WDR7: variants seen among roughly 807,000 people sequenced by gnomAD.
The protein encoded by WDR7 is WD repeat domain 7, also known as WD repeat-containing protein 7.
A neutral mutation model predicts 169.4 loss-of-function variants in WDR7; 46 were observed. The ratio of observed to expected loss-of-function variants is 0.27; its 90% confidence interval spans 0.21 to 0.35. WDR7 has a LOEUF of 0.35. Ranked by LOEUF, WDR7 falls within the 10% of genes least tolerant of loss-of-function variation. WDR7 has a pLI of 1.00. For synonymous variants in WDR7, 612 were observed against 666.8 expected (o/e 0.92, Z 1.27); for missense variants, 1,534 against 1,859.3 (o/e 0.83, Z 3.22).
intron 2 of WDR7, among the ~76,000 whole-genome samples, chr18:56,676,194 CT>C (rs530685512): frequency 6.6e-6 from 1 of 151,958 alleles, no homozygotes; most frequent in Non-Finnish European, 1.5e-5. Context: ...CCTATTTCTG[CT>C]TTTTTTGGTT....
intron 13 of WDR7, among the ~76,000 whole-genome samples, chr18:56,723,607 T>A (rs2026372107): frequency 6.6e-6 from 1 of 152,128 alleles, no homozygotes; most frequent in Admixed American, 6.5e-5. Flanking sequence ...ACATTTCTTT[T>A]CTCTGGCTCC....
chr18:56,707,513 C>T (rs961384471), intron 12 of WDR7, among the ~76,000 whole-genome samples: 1 of 148,106 alleles, frequency 6.8e-6, no homozygotes, highest in Non-Finnish European at 1.5e-5. Flanking sequence ...TCCTCTAATT[C>T]CTTGGAAATT....
chr18:56,952,847 A>G (rs2047201975), intron 25 of WDR7, among the ~76,000 whole-genome samples: 2 of 152,208 alleles, frequency 1.3e-5, no homozygotes, highest in South Asian at 2.1e-4. Context: ...CAATCTGGAA[A>G]GGCTATCTAT....
At chr18:56,719,476 G>A (rs1448956417) in intron 13 of WDR7, among the ~76,000 whole-genome samples, 1 of 151,000 alleles carries the variant, frequency 6.6e-6, no homozygotes. Context: ...GCAGGAGAAT[G>A]GCGTGAACCC....
chr18:56,784,420 T>C (rs1016576972), intron 19 of WDR7, among the ~76,000 whole-genome samples: 40 of 152,174 alleles, frequency 2.6e-4, no homozygotes, highest in African/African-American at 8.0e-4. Context: ...TTTTTATCCC[T>C]CACCCTTCCT....
chr18:56,967,145 G>A (rs2047419440), intron 26 of WDR7, among the ~76,000 whole-genome samples: 1 of 152,194 alleles, frequency 6.6e-6, no homozygotes, highest in African/African-American at 2.4e-5. Context: ...GCTTTTGTAG[G>A]TGCTAAGGCC....
At chr18:56,944,845 C>T (rs1330047793) in intron 25 of WDR7, among the ~76,000 whole-genome samples, 1 of 151,974 alleles carries the variant, frequency 6.6e-6, no homozygotes, top group Admixed American at 6.6e-5. Flanking sequence ...TGTTTTCAAA[C>T]CTATTAATTC....
chr18:56,754,993 G>A (rs954564813), intron 14 of WDR7, among the ~76,000 whole-genome samples: 17 of 152,144 alleles, frequency 1.1e-4, no homozygotes, highest in Admixed American at 1.0e-3. Flanking sequence ...CACTTATCTT[G>A]TAGTTATTTT....
intron 14 of WDR7, among the ~76,000 whole-genome samples, chr18:56,754,247 TTGTGTGTGTGTGTG>T (rs71169393): frequency 0.014 from 1,957 of 141,688 alleles, 21 homozygotes; most frequent in East Asian, 0.033. Flanking sequence ...GTTTTGTGCT[TTGTGTGTGTGTGTG>T]TGTGTGTGTG....
intron 26 of WDR7, among the ~76,000 whole-genome samples, chr18:56,980,785 T>A (rs1276769339): frequency 6.6e-6 from 1 of 151,952 alleles, no homozygotes. Flanking sequence ...GTGAGGAAGA[T>A]CTTAGGGTCC....
intron 14 of WDR7, among the ~76,000 whole-genome samples, chr18:56,754,275 GTGTGTGTGTGTATA>G (rs2043841926): frequency 6.9e-6 from 1 of 145,552 alleles, no homozygotes; most frequent in African/African-American, 2.6e-5. Context: ...GTGTGTGTGT[GTGTGTGTGTGTATA>G]TGTGTGTGTG....
chr18:56,752,678 G>T (rs941849035), intron 14 of WDR7, among the ~76,000 whole-genome samples: 1 of 152,142 alleles, frequency 6.6e-6, no homozygotes, highest in East Asian at 1.9e-4. Context: ...TGATTGTGTA[G>T]TGCAAATTTA....
chr18:56,958,950 A>G lies in WDR7; in HGVS notation c.4065-3480A>G, dbSNP rs939698567. 2.6e-5 allele frequency among the ~76,000 whole-genome samples: 4 copies of G among 152,170 alleles called. No homozygotes were observed. The East Asian group carries it at 7.7e-4, about 29-fold the overall frequency. Reference sequence around the variant, plus strand: ...ATTCATGCAAAACACAAAGTCCCAGATGGAGGATAAAAAGCAATAAATAAA... The same window carrying G: ...ATTCATGCAAAACACAAAGTCCCAGGTGGAGGATAAAAAGCAATAAATAAA... On this transcript the variant is annotated intron_variant, in intron 25 of 27. Transcript: ENST00000254442.
At chr18:56,991,646 A>T (rs1373898796) in intron 26 of WDR7, among the ~76,000 whole-genome samples, 2 of 152,206 alleles carry the variant, frequency 1.3e-5, no homozygotes, top group Non-Finnish European at 2.9e-5. Context: ...TGGATTTGGA[A>T]GTGTGAGTGA....
At chr18:56,984,899 G>A (rs1312751242) in intron 26 of WDR7, among the ~76,000 whole-genome samples, 1 of 152,130 alleles carries the variant, frequency 6.6e-6, no homozygotes, top group African/African-American at 2.4e-5. Context: ...GTATTGATTT[G>A]CCCTTCAGCT....
At chr18:57,025,186 A>G (rs1337851128) in intron 27 of WDR7, among the ~76,000 whole-genome samples, 1 of 152,238 alleles carries the variant, frequency 6.6e-6, no homozygotes, top group Non-Finnish European at 1.5e-5. Context: ...TGCATTTTGA[A>G]TTACCAGCAG....
intron 25 of WDR7, among the ~76,000 whole-genome samples, chr18:56,960,883 C>T (rs2047329360): frequency 1.3e-5 from 2 of 151,978 alleles, no homozygotes; most frequent in Non-Finnish European, 2.9e-5. Flanking sequence ...ATCCTTCCTT[C>T]TCTCAAACCA....
chr18:56,861,863 G>A (rs374729573), intron 20 of WDR7, among the ~76,000 whole-genome samples: 3 of 151,990 alleles, frequency 2.0e-5, no homozygotes, highest in Non-Finnish European at 4.4e-5. Flanking sequence ...TAATAGCCTC[G>A]AGTGTAATGT....
At chr18:56,864,535 G>A (rs2045854481) in intron 20 of WDR7, among the ~76,000 whole-genome samples, 1 of 151,658 alleles carries the variant, frequency 6.6e-6, no homozygotes, top group Admixed American at 6.6e-5. Context: ...CTTGTTACCA[G>A]TACAGAAAAA....
Sources: allele counts gnomAD v4.1 joint callset (sites outside exome capture counted in the v4.1 genomes callset), GRCh38; gene constraint gnomAD v4.1.1; transcripts MANE v1.5; gene names NCBI Gene and HGNC (gene_info 2026-07-23, HGNC 2026-07-21).